Variants in NRXN3 observed in about 807,000 individuals in gnomAD.
The protein encoded by NRXN3 is neurexin III.
NRXN3 carries 32 observed loss-of-function variants against 137.6 expected under a neutral mutation model. The ratio of observed to expected loss-of-function variants is 0.23; its 90% confidence interval spans 0.18 to 0.31. The LOEUF is 0.31. Among genes scored for constraint, NRXN3 ranks in the 10% least tolerant of loss-of-function variants. The probability of loss-of-function intolerance (pLI) is 1.00; values close to 1 mark genes in which losing one functional copy is unlikely to be tolerated. For missense variants in NRXN3, 1,574 were observed against 2,062.5 expected, an observed-to-expected ratio of 0.76 and a Z score of 4.59; for synonymous variants, 798 against 784.5, an observed-to-expected ratio of 1.02 and a Z score of -0.29.
At chr14:78,587,347 A>T (rs1487893740) in intron 4 of NRXN3, among the ~76,000 whole-genome samples, 1 of 152,184 alleles carries the variant, frequency 6.6e-6, no homozygotes, top group East Asian at 1.9e-4. Context: ...CATCATCTAG[A>T]AACTTAGAGA....
intron 2 of NRXN3, chr14:78,250,253 A>G: frequency 2.9e-6 from 1 of 349,116 alleles, no homozygotes; most frequent in South Asian, 2.2e-5. Context: ...ATCATAAAAA[A>G]TCGTACATCA....
At chr14:78,750,856 T>C (rs1433715123) in intron 8 of NRXN3, among the ~76,000 whole-genome samples, 1 of 152,196 alleles carries the variant, frequency 6.6e-6, no homozygotes, top group African/African-American at 2.4e-5. Flanking sequence ...TAACTAGCAT[T>C]GGCCCTTCCT....
At chr14:79,476,517 C>A (rs74455514) in intron 16 of NRXN3, among the ~76,000 whole-genome samples, 1 of 151,992 alleles carries the variant, frequency 6.6e-6, no homozygotes, top group Non-Finnish European at 1.5e-5. Flanking sequence ...TTTTTGAGTC[C>A]TTAGTTAACC....
intron 15 of NRXN3, among the ~76,000 whole-genome samples, chr14:79,396,048 A>G (rs1447698557): frequency 3.9e-5 from 6 of 152,184 alleles, no homozygotes; most frequent in African/African-American, 1.4e-4. Flanking sequence ...ATACACATGT[A>G]TGTATTATAT....
rs867296263 is a variant in NRXN3, at chr14:78,248,278, A to C, written c.709+4476A>C. The stretch of plus-strand genomic sequence containing the variant: ...ATAAGCACACCGTTGTGTGGTCCTC[A>C]GTAGTGACTAGCCACCGCCCCCCGC... On this transcript the variant is annotated intron_variant, in intron 2 of 20. Coordinates refer to ENST00000335750, the MANE Select transcript of NRXN3 (RefSeq NM_001330195.2). Among the ~76,000 whole-genome samples the C allele has an allele frequency of 4.0e-5, 5 of 124,198 alleles. No individual in the cohort carries two copies. The South Asian group carries it at 1.2e-3, about 30-fold the overall frequency. The allele number at this position is 124,198 out of a possible 152,430, so 81.5% of individuals were successfully genotyped here. A position where few individuals can be genotyped will look rare whatever the true frequency, so the allele number is the denominator to read the frequency against.
At chr14:78,648,037 C>T (rs968762951) in intron 5 of NRXN3, among the ~76,000 whole-genome samples, 5 of 152,190 alleles carry the variant, frequency 3.3e-5, no homozygotes, top group Non-Finnish European at 7.3e-5. Flanking sequence ...GCAGAAGTCT[C>T]CTCATTTCTT....
At chr14:79,049,098 T>C (rs12878144) in intron 15 of NRXN3, among the ~76,000 whole-genome samples, 85,974 of 101,906 alleles carry the variant, frequency 0.84, 39,571 homozygotes, top group Non-Finnish European at 0.9. Context: ...AATAATAATA[T>C]GATGGGGTGT....
chr14:78,897,153 C>T (rs539254166), intron 10 of NRXN3, among the ~76,000 whole-genome samples: 257 of 151,824 alleles, frequency 1.7e-3, no homozygotes, highest in Non-Finnish European at 2.1e-3. Context: ...GAAATTTTAC[C>T]GATGTCAGGA....
intron 16 of NRXN3, among the ~76,000 whole-genome samples, chr14:79,575,980 C>CA (rs1277584771): frequency 6.6e-6 from 1 of 152,022 alleles, no homozygotes; most frequent in Non-Finnish European, 1.5e-5. Context: ...AGAAGAAAGA[C>CA]AAAAAAGTCC....
At chr14:78,402,475 C>G (rs1414224575) in intron 4 of NRXN3, among the ~76,000 whole-genome samples, 1 of 152,176 alleles carries the variant, frequency 6.6e-6, no homozygotes, top group African/African-American at 2.4e-5. Flanking sequence ...TTTTAAGAAT[C>G]TTTACCATTC....
chr14:78,391,672 G>A (rs1168293803), intron 4 of NRXN3, among the ~76,000 whole-genome samples: 3 of 152,084 alleles, frequency 2.0e-5, no homozygotes, highest in African/African-American at 4.8e-5. Flanking sequence ...CACCTAAAAA[G>A]TTGCTAATAT....
At chr14:78,257,717 G>A (rs529756398) in intron 2 of NRXN3, among the ~76,000 whole-genome samples, 1 of 152,222 alleles carries the variant, frequency 6.6e-6, no homozygotes, top group Non-Finnish European at 1.5e-5. Flanking sequence ...GGGAGGGAAT[G>A]TCTTAACTGC....
At chr14:79,667,800 G>A (rs557116072) in intron 17 of NRXN3, among the ~76,000 whole-genome samples, 14 of 151,906 alleles carry the variant, frequency 9.2e-5, no homozygotes, top group Non-Finnish European at 1.9e-4. Context: ...AACAAGGGAG[G>A]GGGGGTGAAA....
At chr14:78,566,001 A>T (rs1287705972) in intron 4 of NRXN3, among the ~76,000 whole-genome samples, 1 of 152,066 alleles carries the variant, frequency 6.6e-6, no homozygotes, top group Non-Finnish European at 1.5e-5. Flanking sequence ...TCCCTTTAAC[A>T]TTTCTGAACG....
chr14:79,662,311 T>C (rs2098538102), intron 16 of NRXN3, among the ~76,000 whole-genome samples: 3 of 152,162 alleles, frequency 2.0e-5, no homozygotes, highest in Admixed American at 6.5e-5. Flanking sequence ...TCCTTACACA[T>C]GCCTCCAACA....
At chr14:79,544,133 TG>T (rs1293820383) in intron 16 of NRXN3, among the ~76,000 whole-genome samples, 1 of 152,116 alleles carries the variant, frequency 6.6e-6, no homozygotes, top group African/African-American at 2.4e-5. Context: ...AGCGCCCCCA[TG>T]GGGCTGGCTG....
chr14:79,348,844 G>A (rs1705998387), intron 15 of NRXN3, among the ~76,000 whole-genome samples: 1 of 152,092 alleles, frequency 6.6e-6, no homozygotes, highest in Admixed American at 6.5e-5. Flanking sequence ...TTTGCACCTA[G>A]CTCCACTACG....
chr14:79,375,432 G>A (rs2094243244), intron 15 of NRXN3, among the ~76,000 whole-genome samples: 1 of 151,902 alleles, frequency 6.6e-6, no homozygotes, highest in Non-Finnish European at 1.5e-5. Flanking sequence ...ACTGTCTGGG[G>A]CACTCCTGCT....
intron 10 of NRXN3, among the ~76,000 whole-genome samples, chr14:78,895,243 TTCA>T (rs994749229): frequency 1.8e-4 from 28 of 152,024 alleles, no homozygotes; most frequent in African/African-American, 6.7e-4. Context: ...TGTAGTCACC[TTCA>T]TCAATTATCT....
Sources: allele counts gnomAD v4.1 joint callset (sites outside exome capture counted in the v4.1 genomes callset), GRCh38; gene constraint gnomAD v4.1.1; transcripts MANE v1.5; gene names NCBI Gene and HGNC (gene_info 2026-07-23, HGNC 2026-07-21).